The following EML5 variants were observed in gnomAD, a reference collection of about 807,000 sequenced individuals.
EML5 encodes EMAP like 5.
EML5 carries 120 observed loss-of-function variants against 250.0 expected under a neutral mutation model. The observed-to-expected ratio is 0.48, with a 90% CI of 0.41 to 0.56. The LOEUF (loss-of-function observed/expected upper bound fraction) is 0.56, where lower values mean the gene tolerates loss of function less well. EML5 is among the 20% of genes least tolerant of loss of function. The pLI is 0.00. For synonymous variants in EML5, 771 were observed against 806.5 expected (o/e 0.96, Z 0.75); for missense variants, 2,006 against 2,437.6 (o/e 0.82, Z 3.73).
chr14:88,736,638 A>C, intron 6 of EML5, 73 bp from the exon 7 acceptor site: 1 of 1,454,914 alleles, frequency 6.9e-7, no homozygotes, highest in Non-Finnish European at 9.5e-7. Context: ...ACAAATCCCT[A>C]TGCAGATAGG....
intron 35 of EML5, 93 bp from the exon 36 acceptor site, chr14:88,625,220 AC>A (rs1199028380): frequency 7.1e-7 from 1 of 1,407,002 alleles, no homozygotes; most frequent in East Asian, 2.4e-5. Flanking sequence ...ATGCTGTCTC[AC>A]CCTTGATACA....
intron 21 of EML5, among the ~76,000 whole-genome samples, chr14:88,675,612 C>T (rs1375947333): frequency 6.6e-6 from 1 of 152,220 alleles, no homozygotes; most frequent in Non-Finnish European, 1.5e-5. Flanking sequence ...CCTGGAGACA[C>T]TTTCCCCATT....
intron 28 of EML5, among the ~76,000 whole-genome samples, chr14:88,647,231 G>C (rs147329601): frequency 6.6e-6 from 1 of 151,872 alleles, no homozygotes; most frequent in Admixed American, 6.6e-5. Flanking sequence ...AGGCATGGTG[G>C]CACGCACCTG....
At position 88,664,584 on chromosome 14, in the gene EML5, A is replaced by AG; in HGVS notation, c.3317_3318insC (p.Ile1107TyrfsTer9). 6.2e-7 allele frequency: 1 copy of AG among 1,609,012 alleles called. No homozygotes were observed. On this transcript the variant is annotated frameshift_variant, in exon 23 of 44. Transcript: ENST00000554922. LOFTEE classifies it high-confidence loss of function. The stretch of plus-strand genomic sequence containing the variant: ...TACTCATTACATTGTATATATCTAT[A>AG]AAGCTGTCATGGGATGCTACAGCAA...
At chr14:88,692,584 G>GGGGA (rs2092985821) in intron 17 of EML5, among the ~76,000 whole-genome samples, 1 of 152,164 alleles carries the variant, frequency 6.6e-6, no homozygotes, top group African/African-American at 2.4e-5. Flanking sequence ...CAAGGGACTT[G>GGGGA]TGCAGCATGG....
chr14:88,780,493 A>C (rs1358514286), intron 1 of EML5, among the ~76,000 whole-genome samples: 2 of 152,200 alleles, frequency 1.3e-5, no homozygotes, highest in Non-Finnish European at 2.9e-5. Context: ...ATTTATTTCA[A>C]GGAATTGGCT....
rs923502285 is a variant in EML5, at chr14:88,792,595, C to G, written c.-92G>C. Reference sequence around the variant, plus strand: ...CAACGAAAGCCCTCCCGCTGGCTGCCGGGACTTCCCGCCAGCCGCGTCCTC... The same window carrying G: ...CAACGAAAGCCCTCCCGCTGGCTGCGGGGACTTCCCGCCAGCCGCGTCCTC... On this transcript the variant is annotated 5_prime_UTR_variant, in exon 1 of 44. Transcript: ENST00000554922. This position sits in a 1 kb window ranked among gnomAD's most constrained non-coding sequence, Gnocchi z 6.9. 8.4e-7 allele frequency: 1 copy of G among 1,183,982 alleles called. No homozygotes were observed. Among genetic ancestry groups the G allele is most frequent in the African/African-American group, 1.6e-5 (1 of 62,188 alleles). The allele number at this position is 1,183,982 out of a possible 1,614,324, so 73.3% of individuals were successfully genotyped here.
At chr14:88,759,801 G>A (rs1173539620) in intron 1 of EML5, among the ~76,000 whole-genome samples, 1 of 151,820 alleles carries the variant, frequency 6.6e-6, no homozygotes, top group African/African-American at 2.4e-5. Context: ...AAAAAGGATA[G>A]GGTGGGTCCG....
Position 88,647,073 on chromosome 14 carries a change from G to A in EML5, c.4020-118C>T, listed in dbSNP as rs2091382522. 5.5e-6 allele frequency: 5 copies of A among 916,342 alleles called. 1 individual carries two copies. The South Asian group carries it at 7.5e-5, about 14-fold the overall frequency. The allele number at this position is 916,342 out of a possible 1,614,324, so 56.8% of individuals were successfully genotyped here. A position where few individuals can be genotyped will look rare whatever the true frequency, so the allele number is the denominator to read the frequency against. On this transcript the variant is annotated intron_variant, in intron 28 of 43. Transcript: ENST00000554922. ...CAAGTTTAATGCAGACAGCTATATT[G>A]CATAATATTAAAGGCCTGTTGTTTT...
chr14:88,758,597 T>G lies in EML5; in HGVS notation c.198-3926A>C, dbSNP rs537293202. ...TATGGGATTGTAAAATGATGTAGCC[T>G]CTTTGGAAAACCGCTTGGTAGCTAT... is the stretch of plus-strand genomic sequence containing the variant. On this transcript the variant is annotated intron_variant, in intron 1 of 43. Transcript: ENST00000554922. 3.3e-5 allele frequency among the ~76,000 whole-genome samples: 5 copies of G among 152,338 alleles called. No homozygotes were observed. In the South Asian group the frequency reaches 1.0e-3, roughly 32 times the overall value.
chr14:88,766,883 A>G (rs1452127716), intron 1 of EML5, among the ~76,000 whole-genome samples: 1 of 152,150 alleles, frequency 6.6e-6, no homozygotes, highest in Non-Finnish European at 1.5e-5. Context: ...GGAAAATAGA[A>G]AAGGACCCAC....
chr14:88,792,388 A>G lies in EML5; in HGVS notation c.116T>C (p.Phe39Ser). The G allele has an allele frequency of 6.4e-7, 1 of 1,572,476 alleles. No individual in the cohort carries two copies. The highest frequency in any genetic ancestry group is 8.6e-7 in the Non-Finnish European group (1 of 1,160,950). The change falls in exon 1 of 44, where the codon TTC (phenylalanine) becomes TCC (serine). Residue 39 changes from phenylalanine (F) to serine (S), a missense_variant. Phe to Ser is a radical substitution (Grantham distance 155). Around this residue, in one of 7 missense-constraint regions of EML5, gnomAD observed 162 missense variants for 212.2 expected, o/e 0.76. Coordinates refer to ENST00000554922, the MANE Select transcript of EML5 (RefSeq NM_183387.3). The surrounding 1 kb of genome is among the most constrained non-coding windows in gnomAD (Gnocchi z 6.9). ...YYTAAKEIVY[F>S]VAGVGVVYSP... ...GTACACCACGCCGACCCCCGCCACG[A>G]AGTATACGATCTCCTTGGCCGCAGT...
intron 32 of EML5, among the ~76,000 whole-genome samples, chr14:88,637,969 C>G (rs970104027): frequency 4.6e-5 from 7 of 151,992 alleles, no homozygotes; most frequent in Non-Finnish European, 1.0e-4. Context: ...CCAGGCAACC[C>G]AGACAACAAA....
intron 32 of EML5, among the ~76,000 whole-genome samples, chr14:88,636,863 G>A (rs1035879363): frequency 1.3e-5 from 2 of 152,146 alleles, no homozygotes; most frequent in Non-Finnish European, 2.9e-5. Flanking sequence ...CCAGGGAAAC[G>A]TTTACTTCAT....
At chr14:88,777,366 C>T (rs992910974) in intron 1 of EML5, among the ~76,000 whole-genome samples, 3 of 152,056 alleles carry the variant, frequency 2.0e-5, no homozygotes, top group Non-Finnish European at 4.4e-5. Context: ...GAAGGAGAAA[C>T]AAAGACTTTC....
chr14:88,725,170 A>AT lies in EML5; in HGVS notation c.1187+1370dup, dbSNP rs2093648342. On this transcript the variant is annotated intron_variant, in intron 8 of 43. Coordinates refer to ENST00000554922, the MANE Select transcript of EML5 (RefSeq NM_183387.3). The stretch of plus-strand genomic sequence containing the variant: ...GCTTAGGAGATGGAAGAATGGGATT[A>AT]TTTTTTACAGGGTACAGAGTTTCCA... 2.0e-5 allele frequency among the ~76,000 whole-genome samples: 3 copies of AT among 152,254 alleles called. No individual in the cohort carries two copies. In the South Asian group the frequency reaches 6.2e-4, roughly 32 times the overall value.
At chr14:88,694,523 A>C in intron 16 of EML5, 116 bp from the exon 17 acceptor site, 5 of 700,348 alleles carry the variant, frequency 7.1e-6, no homozygotes, top group Non-Finnish European at 1.2e-5. Flanking sequence ...ACTCCCACTT[A>C]TCTCTCAGGT....
At chr14:88,714,807 T>C (rs1314805262) in intron 9 of EML5, 132 bp downstream of exon 9, 1 of 806,680 alleles carries the variant, frequency 1.2e-6, no homozygotes, top group African/African-American at 1.7e-5. Flanking sequence ...TAGAAAAGTC[T>C]ACAATGCCTG....
intron 21 of EML5, among the ~76,000 whole-genome samples, chr14:88,681,243 G>C (rs1029589027): frequency 1.3e-5 from 2 of 152,214 alleles, no homozygotes; most frequent in African/African-American, 2.4e-5. Flanking sequence ...ACGCCACATA[G>C]AGACAGACAG....
Sources: allele counts gnomAD v4.1 joint callset (sites outside exome capture counted in the v4.1 genomes callset), GRCh38; gene constraint gnomAD v4.1.1; regional missense constraint gnomAD v4.1.1; non-coding constraint Gnocchi (gnomAD v3.1); transcripts MANE v1.5; gene names NCBI Gene and HGNC (gene_info 2026-07-23, HGNC 2026-07-21).